The following EYS variants were observed in gnomAD, a reference collection of about 807,000 sequenced individuals.
EYS encodes the protein EGF-like photoreceptor maintenance factor, also known as protein eyes shut homolog.
EYS carries 250 observed loss-of-function variants against 282.1 expected under a neutral mutation model. The observed-to-expected ratio is 0.89, with a 90% CI of 0.80 to 0.98. The LOEUF (loss-of-function observed/expected upper bound fraction) is 0.98. EYS is among the 50% of genes least tolerant of loss of function. The probability of loss-of-function intolerance (pLI) is 0.00; values close to 1 mark genes in which losing one functional copy is unlikely to be tolerated. For missense variants in EYS, 4,016 were observed against 3,709.0 expected (o/e 1.08, Z -2.15); for synonymous variants, 1,355 against 1,282.9 (o/e 1.06, Z -1.20).
intron 12 of EYS, among the ~76,000 whole-genome samples, chr6:65,291,950 A>G (rs542669267): frequency 6.6e-6 from 1 of 151,692 alleles, no homozygotes; most frequent in South Asian, 2.1e-4. Context: ...GAGCAGATAC[A>G]AAAGGTTAAT....
intron 41 of EYS, among the ~76,000 whole-genome samples, chr6:63,760,234 C>T (rs1562013182): frequency 6.6e-6 from 1 of 151,736 alleles, no homozygotes; most frequent in Non-Finnish European, 1.5e-5. Context: ...AAGCAATTTA[C>T]CAATAATATG....
chr6:65,242,729 T>C (rs1465077798), intron 12 of EYS, among the ~76,000 whole-genome samples: 1 of 152,140 alleles, frequency 6.6e-6, no homozygotes, highest in East Asian at 1.9e-4. Flanking sequence ...ATTTTACATT[T>C]TCACTAGCAA....
chr6:64,312,426 T>C (rs922580063), intron 29 of EYS, among the ~76,000 whole-genome samples: 2 of 152,066 alleles, frequency 1.3e-5, no homozygotes, highest in East Asian at 1.9e-4. Flanking sequence ...ACAGAGCAAC[T>C]AGGGGAAAGG....
intron 14 of EYS, among the ~76,000 whole-genome samples, chr6:64,987,845 A>G (rs1447655572): frequency 6.6e-6 from 1 of 151,754 alleles, no homozygotes; most frequent in East Asian, 1.9e-4. Context: ...TTAAAAAAGC[A>G]TAGAATTGGT....
intron 22 of EYS, among the ~76,000 whole-genome samples, chr6:64,716,473 G>T (rs1479773107): frequency 6.6e-6 from 1 of 152,168 alleles, no homozygotes; most frequent in Non-Finnish European, 1.5e-5. Flanking sequence ...TGCATACCAT[G>T]GTGATTCATT....
intron 5 of EYS, among the ~76,000 whole-genome samples, chr6:65,435,954 T>C (rs774361355): frequency 5.9e-5 from 9 of 152,194 alleles, no homozygotes; most frequent in African/African-American, 1.2e-4. Context: ...GCTGACACTT[T>C]AATCTCTAAC....
chr6:63,721,162 CA>C lies in EYS; in HGVS notation c.8868del (p.Ala2957GlnfsTer18), dbSNP rs2149624477. 3 of 1,551,476 alleles carry C rather than the reference CA, an allele frequency of 1.9e-6. No individual in the cohort carries two copies. The East Asian group carries it at 7.3e-5, about 38-fold the overall frequency. On this transcript the variant is annotated frameshift_variant, in exon 43 of 43. Coordinates refer to ENST00000503581, the MANE Select transcript of EYS (RefSeq NM_001142800.2). LOFTEE classifies it high-confidence loss of function. ...RYCENKTSFS[T>X]AKFMGNSYIK... ...ATGTAAGAATTACCCATAAATTTTG[CA>C]GTTGAAAATGAAGTTTTGTTTTCAC... is the stretch of plus-strand genomic sequence containing the variant.
chr6:65,534,112 C>G (rs1767882741), intron 2 of EYS, among the ~76,000 whole-genome samples: 1 of 151,952 alleles, frequency 6.6e-6, no homozygotes, highest in African/African-American at 2.4e-5. Context: ...TAAGGTTAAT[C>G]TTCATGGTCT....
intron 26 of EYS, among the ~76,000 whole-genome samples, chr6:64,443,622 C>T (rs1044079018): frequency 6.6e-6 from 1 of 152,074 alleles, no homozygotes; most frequent in Admixed American, 6.6e-5. Flanking sequence ...ACAGGTCTTT[C>T]CTGTGCTGTT....
At chr6:65,655,977 G>A (rs541781399) in intron 1 of EYS, among the ~76,000 whole-genome samples, 16 of 151,854 alleles carry the variant, frequency 1.1e-4, no homozygotes, top group Admixed American at 2.0e-4. Flanking sequence ...GTGTCTCTGC[G>A]TCACATTTTC....
intron 5 of EYS, among the ~76,000 whole-genome samples, chr6:65,426,805 GT>G (rs1433971394): frequency 3.9e-5 from 6 of 151,966 alleles, no homozygotes; most frequent in South Asian, 2.1e-4. Context: ...TTCAACAGAT[GT>G]TAATAAGTTA....
At chr6:64,694,510 A>C (rs1253996202) in intron 22 of EYS, among the ~76,000 whole-genome samples, 1 of 152,074 alleles carries the variant, frequency 6.6e-6, no homozygotes, top group Non-Finnish European at 1.5e-5. Flanking sequence ...TGTGAGGAGG[A>C]TTGATACTAG....
At chr6:65,202,462 C>A (rs1280384636) in intron 12 of EYS, among the ~76,000 whole-genome samples, 1 of 152,094 alleles carries the variant, frequency 6.6e-6, no homozygotes, top group African/African-American at 2.4e-5. Context: ...GACAAGTTCA[C>A]CCTCATCACA....
At chr6:65,330,028 A>G in intron 11 of EYS, 1 of 984,526 alleles carries the variant, frequency 1.0e-6, no homozygotes, top group Non-Finnish European at 1.2e-6. Flanking sequence ...AACTTCCAGA[A>G]AGAAAGCCAG....
intron 35 of EYS, among the ~76,000 whole-genome samples, chr6:63,965,365 T>C (rs1410128112): frequency 1.3e-5 from 2 of 152,218 alleles, no homozygotes; most frequent in Admixed American, 1.3e-4. Flanking sequence ...TAAGATTTTC[T>C]GCCCCTGCTT....
intron 30 of EYS, among the ~76,000 whole-genome samples, chr6:64,295,461 A>G (rs112593228): frequency 0.074 from 1,856 of 24,916 alleles, no homozygotes; most frequent in Middle Eastern, 0.13. Flanking sequence ...GAAGAAGAAG[A>G]AGAAGAAGAA....
chr6:63,995,550 G>A (rs186460136), intron 34 of EYS, among the ~76,000 whole-genome samples: 20 of 152,052 alleles, frequency 1.3e-4, no homozygotes, highest in Middle Eastern at 3.4e-3. Flanking sequence ...CCACTTCTGG[G>A]TATTTATCCA....
intron 2 of EYS, among the ~76,000 whole-genome samples, chr6:65,562,813 A>G (rs1211342596): frequency 1.3e-5 from 2 of 152,136 alleles, no homozygotes; most frequent in East Asian, 3.8e-4. Flanking sequence ...TTGTGATTTT[A>G]ACAGTCCTCT....
rs78841745 is a variant in EYS at position 64,119,870 on chromosome 6, C to T, written c.6425-37868G>A. Among the ~76,000 whole-genome samples the T allele has an allele frequency of 7.2e-5, 11 of 152,226 alleles. No individual in the cohort carries two copies. The East Asian group carries it at 1.9e-3, about 27-fold the overall frequency. On this transcript the variant is annotated intron_variant, in intron 31 of 42. Coordinates refer to ENST00000503581, the MANE Select transcript of EYS (RefSeq NM_001142800.2). ...TATTTTCCATGGCATTTTCTTAGCC[C>T]TACTTTTTGGATCCTTAAAAAATCA... is the stretch of plus-strand genomic sequence containing the variant.
Sources: gnomAD v4.1 joint callset for allele counts (sites outside exome capture counted in the v4.1 genomes callset) on GRCh38, gnomAD v4.1.1 for gene constraint, MANE v1.5 for transcripts, NCBI Gene and HGNC (gene_info 2026-07-23, HGNC 2026-07-21) for gene names.